Variants in PCDH15 observed in about 807,000 individuals in gnomAD.
PCDH15 encodes protocadherin-15.
PCDH15 carries 129 observed loss-of-function variants against 178.5 expected under a neutral mutation model. The ratio of observed to expected loss-of-function variants is 0.72; its 90% confidence interval spans 0.63 to 0.84. The LOEUF (loss-of-function observed/expected upper bound fraction) is 0.84. Ranked by LOEUF, PCDH15 falls within the 40% of genes least tolerant of loss-of-function variation. The pLI is 0.00. For missense variants in PCDH15, 2,230 were observed against 2,099.9 expected, an observed-to-expected ratio of 1.06 and a Z score of -1.21; for synonymous variants, 800 against 732.0, an observed-to-expected ratio of 1.09 and a Z score of -1.50.
At chr10:54,730,706 A>G (rs1943217069) in intron 1 of PCDH15, among the ~76,000 whole-genome samples, 1 of 151,498 alleles carries the variant, frequency 6.6e-6, no homozygotes, top group Non-Finnish European at 1.5e-5. Flanking sequence ...GGATAACCAT[A>G]TGTAAAAGAA....
At position 54,587,591 on chromosome 10, in the gene PCDH15, G is replaced by A. The variant is rs1313684616; in HGVS notation, c.92-59714C>T. Among the ~76,000 whole-genome samples, 4 of 151,568 alleles carry A rather than the reference G, an allele frequency of 2.6e-5. No homozygotes were observed. In the East Asian group the frequency reaches 7.7e-4, roughly 29 times the overall value. On this transcript the variant is annotated intron_variant, in intron 2 of 37. Coordinates refer to ENST00000644397, the MANE Select transcript of PCDH15 (RefSeq NM_001384140.1). ...ACAGAGATACTTAACAATATTGAAA[G>A]CATCAAAGCATAAAGTGATGAAAGC... is the stretch of plus-strand genomic sequence containing the variant.
intron 2 of PCDH15, among the ~76,000 whole-genome samples, chr10:55,365,601 T>C (rs1284251888): frequency 6.6e-6 from 1 of 151,964 alleles, no homozygotes; most frequent in Non-Finnish European, 1.5e-5. Flanking sequence ...GTGATTGCAT[T>C]ATGGGGGAGG....
intron 21 of PCDH15, among the ~76,000 whole-genome samples, chr10:53,970,861 C>T (rs1202708195): frequency 6.6e-6 from 1 of 152,142 alleles, no homozygotes; most frequent in East Asian, 1.9e-4. Context: ...ACCAGAGGTA[C>T]AAAGTGGATC....
intron 2 of PCDH15, among the ~76,000 whole-genome samples, chr10:54,946,743 T>G (rs1035846320): frequency 4.6e-5 from 7 of 151,902 alleles, no homozygotes; most frequent in Non-Finnish European, 7.4e-5. Flanking sequence ...CAAGGTGATC[T>G]TATTACTTGA....
intron 3 of PCDH15, among the ~76,000 whole-genome samples, chr10:54,428,288 C>A (rs7091594): frequency 0.2 from 30,726 of 152,154 alleles, 3,826 homozygotes; most frequent in African/African-American, 0.35. Context: ...ACTGCTTTGC[C>A]TCAATTTGGG....
chr10:55,621,685 C>A (rs1272388740), intron 2 of PCDH15, among the ~76,000 whole-genome samples: 1 of 152,026 alleles, frequency 6.6e-6, no homozygotes, highest in African/African-American at 2.4e-5. Flanking sequence ...CCCCCATCCC[C>A]ACAATCCACT....
Position 53,841,947 on chromosome 10 carries a change from G to GAA in PCDH15, c.3807-1453_3807-1452dup, listed in dbSNP as rs539058922. On this transcript the variant is annotated intron_variant, in intron 28 of 37. Transcript: ENST00000644397. Reference sequence around the variant, plus strand: ...CAGAGCAAGATTTTATCTCCAAAGGGAAAAAAAAAAAAAAAAAACAACCCC... The same window carrying GAA: ...CAGAGCAAGATTTTATCTCCAAAGGGAAAAAAAAAAAAAAAAAAAACAACCCC... Among the ~76,000 whole-genome samples the GAA allele has an allele frequency of 3.5e-3, 353 of 100,830 alleles. 5 individuals carry two copies. Among genetic ancestry groups the GAA allele is most frequent in the East Asian group, 8.0e-3 (30 of 3,768 alleles). The allele number at this position is 100,830 out of a possible 152,430, so 66.1% of individuals were successfully genotyped here. A position where few individuals can be genotyped will look rare whatever the true frequency, so the allele number is the denominator to read the frequency against.
At chr10:54,829,290 C>G (rs899254734) in intron 3 of PCDH15, among the ~76,000 whole-genome samples, 1 of 151,900 alleles carries the variant, frequency 6.6e-6, no homozygotes, top group Admixed American at 6.6e-5. Context: ...AACCTAGATT[C>G]TCATTCTAAA....
At chr10:54,381,092 A>T (rs534265714) in intron 3 of PCDH15, among the ~76,000 whole-genome samples, 1 of 151,940 alleles carries the variant, frequency 6.6e-6, no homozygotes, top group Non-Finnish European at 1.5e-5. Context: ...AAATTTTCAT[A>T]TACAAGCTTG....
At chr10:54,148,598 A>G (rs976863322) in intron 14 of PCDH15, among the ~76,000 whole-genome samples, 1 of 152,042 alleles carries the variant, frequency 6.6e-6, no homozygotes, top group Non-Finnish European at 1.5e-5. Flanking sequence ...GGCCAAGTGT[A>G]TATTTGCTTT....
At chr10:54,595,510 C>T (rs148359060) in intron 2 of PCDH15, among the ~76,000 whole-genome samples, 305 of 152,268 alleles carry the variant, frequency 2.0e-3, no homozygotes, top group African/African-American at 6.8e-3. Context: ...AGAACCAGTG[C>T]AGGAACTCTG....
intron 1 of PCDH15, among the ~76,000 whole-genome samples, chr10:55,298,580 G>A (rs1299022433): frequency 6.6e-6 from 1 of 151,912 alleles, no homozygotes; most frequent in Non-Finnish European, 1.5e-5. Context: ...GGATAGTGTC[G>A]ACTTATTTAT....
chr10:54,329,311 A>C (rs1938886777), intron 7 of PCDH15, among the ~76,000 whole-genome samples: 1 of 151,938 alleles, frequency 6.6e-6, no homozygotes. Flanking sequence ...TGCTGCTGTT[A>C]ATTTGCAGGA....
chr10:54,535,583 G>T (rs892073057), intron 2 of PCDH15, among the ~76,000 whole-genome samples: 1 of 150,848 alleles, frequency 6.6e-6, no homozygotes, highest in African/African-American at 2.4e-5. Flanking sequence ...GGTGGCGGGC[G>T]CCTGTAGTCC....
intron 1 of PCDH15, among the ~76,000 whole-genome samples, chr10:55,252,720 T>C (rs1357614028): frequency 3.3e-5 from 5 of 152,150 alleles, no homozygotes; most frequent in South Asian, 4.1e-4. Flanking sequence ...GCTTTAAAAT[T>C]TGAAGGAAAA....
At chr10:54,577,752 C>T (rs1282704348) in intron 2 of PCDH15, among the ~76,000 whole-genome samples, 3 of 151,912 alleles carry the variant, frequency 2.0e-5, no homozygotes, top group Non-Finnish European at 4.4e-5. Flanking sequence ...TTTATAAAAC[C>T]ATCTCCTGGA....
chr10:55,440,239 C>T (rs1839147309), intron 2 of PCDH15, among the ~76,000 whole-genome samples: 1 of 152,116 alleles, frequency 6.6e-6, no homozygotes, highest in Non-Finnish European at 1.5e-5. Flanking sequence ...CACCAAACAA[C>T]ACAGCTGTGA....
At chr10:54,316,244 A>T (rs11004222) in intron 8 of PCDH15, among the ~76,000 whole-genome samples, 1 of 151,928 alleles carries the variant, frequency 6.6e-6, no homozygotes, top group African/African-American at 2.4e-5. Flanking sequence ...ATCTGCTGTG[A>T]GAAAAACCAA....
At chr10:55,443,333 T>A (rs1205530362) in intron 2 of PCDH15, among the ~76,000 whole-genome samples, 1 of 152,004 alleles carries the variant, frequency 6.6e-6, no homozygotes, top group Admixed American at 6.6e-5. Context: ...AAAGAAACTA[T>A]CATCAGTGTG....
Sources: gnomAD v4.1 joint callset for allele counts (sites outside exome capture counted in the v4.1 genomes callset) on GRCh38, gnomAD v4.1.1 for gene constraint, MANE v1.5 for transcripts, NCBI Gene and HGNC (gene_info 2026-07-23, HGNC 2026-07-21) for gene names.